Variants in MAF observed in about 807,000 individuals in gnomAD.
MAF encodes transcription factor Maf.
MAF carries 10 observed loss-of-function variants against 22.0 expected under a neutral mutation model. The ratio of observed to expected loss-of-function variants is 0.45; its 90% CI spans 0.28 to 0.77. The LOEUF (loss-of-function observed/expected upper bound fraction) is 0.77. MAF is among the 30% of genes least tolerant of loss of function. MAF has a pLI of 0.12. For missense variants in MAF, 544 were observed against 548.4 expected, an observed-to-expected ratio of 0.99 and a Z score of 0.08; for synonymous variants, 337 against 255.8, an observed-to-expected ratio of 1.32 and a Z score of -3.03.
the MAF span, among the ~76,000 whole-genome samples, chr16:79,443,305 C>T: frequency 6.6e-6 from 1 of 152,070 alleles, no homozygotes; most frequent in Non-Finnish European, 1.5e-5. Flanking sequence ...GTGTCAACCC[C>T]CATGGCACCC....
the MAF span, among the ~76,000 whole-genome samples, chr16:79,397,031 G>A: frequency 6.6e-6 from 1 of 152,194 alleles, no homozygotes; most frequent in East Asian, 1.9e-4. Context: ...TCTGAAGTCG[G>A]TTGACTCATC....
the MAF span, among the ~76,000 whole-genome samples, chr16:79,519,069 T>A: frequency 1.3e-5 from 2 of 152,248 alleles, no homozygotes; most frequent in Non-Finnish European, 2.9e-5. Context: ...ATATTACTAA[T>A]GCCTTGCAAT....
chr16:79,571,505 T>C, the MAF span, among the ~76,000 whole-genome samples: 1 of 145,736 alleles, frequency 6.9e-6, no homozygotes, highest in African/African-American at 2.5e-5. Context: ...ATTAGCATAC[T>C]ACAAGAAAAA....
the MAF span, among the ~76,000 whole-genome samples, chr16:79,300,300 T>C: frequency 6.6e-6 from 1 of 152,178 alleles, no homozygotes; most frequent in African/African-American, 2.4e-5. Context: ...CTCACACCTG[T>C]AATCCCAGCA....
the MAF span, among the ~76,000 whole-genome samples, chr16:79,324,625 G>A: frequency 6.6e-6 from 1 of 152,190 alleles, no homozygotes; most frequent in Non-Finnish European, 1.5e-5. Context: ...CACCTAGGTA[G>A]TAAGCAGCAG....
chr16:79,564,511 G>C, the MAF span, among the ~76,000 whole-genome samples: 1 of 152,178 alleles, frequency 6.6e-6, no homozygotes, highest in African/African-American at 2.4e-5. Flanking sequence ...CTTCCCTGAT[G>C]GAAGAAGACT....
the MAF span, among the ~76,000 whole-genome samples, chr16:79,246,825 T>TGTCC: frequency 6.8e-6 from 1 of 146,796 alleles, no homozygotes; most frequent in Non-Finnish European, 1.5e-5. Flanking sequence ...TGTGTCCATC[T>TGTCC]GTCCATCCAT....
chr16:79,251,687 T>C, the MAF span, among the ~76,000 whole-genome samples: 1 of 152,184 alleles, frequency 6.6e-6, no homozygotes, highest in African/African-American at 2.4e-5. Flanking sequence ...ATAAGTCATA[T>C]CAGGCTCAAA....
At chr16:79,479,765 T>G in the MAF span, among the ~76,000 whole-genome samples, 2 of 152,226 alleles carry the variant, frequency 1.3e-5, no homozygotes, top group East Asian at 3.9e-4. Context: ...GTGCTGGTAC[T>G]CTATATCCAT....
the MAF span, among the ~76,000 whole-genome samples, chr16:79,310,038 T>C: frequency 6.6e-6 from 1 of 152,108 alleles, no homozygotes; most frequent in South Asian, 2.1e-4. Flanking sequence ...TAGCAGAACA[T>C]ATGGAAAAAT....
the MAF span, among the ~76,000 whole-genome samples, chr16:79,252,132 C>T: frequency 6.6e-6 from 1 of 152,230 alleles, no homozygotes; most frequent in Non-Finnish European, 1.5e-5. Flanking sequence ...TCAGGCAGGA[C>T]TGGCAAACTT....
At chr16:79,251,083 C>CA in the MAF span, among the ~76,000 whole-genome samples, 2 of 152,096 alleles carry the variant, frequency 1.3e-5, no homozygotes, top group Non-Finnish European at 2.9e-5. Flanking sequence ...AGATTCCCCC[C>CA]GTTTCACAGG....
At chr16:79,314,995 G>A in the MAF span, among the ~76,000 whole-genome samples, 1 of 152,190 alleles carries the variant, frequency 6.6e-6, no homozygotes, top group African/African-American at 2.4e-5. Flanking sequence ...TGAGACACAG[G>A]GAATTAATGA....
At chr16:79,377,389 G>A in the MAF span, among the ~76,000 whole-genome samples, 5 of 152,048 alleles carry the variant, frequency 3.3e-5, no homozygotes, top group Admixed American at 6.6e-5. Flanking sequence ...TTTTTTCCTC[G>A]TAAATTTGTT....
intron 1 of MAF, among the ~76,000 whole-genome samples, chr16:79,587,418 G>T (rs550967240): frequency 6.8e-6 from 1 of 147,802 alleles, no homozygotes; most frequent in Non-Finnish European, 1.5e-5. Context: ...AAACTTCCCC[G>T]ATAGGATTAC....
the MAF span, among the ~76,000 whole-genome samples, chr16:79,220,587 A>C: frequency 6.6e-6 from 1 of 152,150 alleles, no homozygotes; most frequent in East Asian, 1.9e-4. Context: ...TGGAGAGTTA[A>C]AATTTCTACC....
chr16:79,516,483 G>A, the MAF span, among the ~76,000 whole-genome samples: 8 of 152,168 alleles, frequency 5.3e-5, no homozygotes, highest in African/African-American at 1.9e-4. Context: ...GAGGATGAAT[G>A]AGGCTCAGAG....
chr16:79,599,820 A>T lies in MAF; in HGVS notation c.83T>A (p.Met28Lys). ...AMEYVNDFDL[M>K]KFEVKKEPVE... ...CGGTTCCTTTTTCACTTCAAACTTC[A>T]TCAGATCGAAGTCATTAACATATTC... Residue 28 changes from methionine to lysine, a missense_variant, in exon 1 of 2, where the codon ATG becomes AAG. Transcript: ENST00000326043. 1 of 1,612,514 alleles carries T rather than the reference A, an allele frequency of 6.2e-7. No homozygotes were observed. Among genetic ancestry groups the T allele is most frequent in the Middle Eastern group, 1.7e-4 (1 of 6,008 alleles).
the MAF span, among the ~76,000 whole-genome samples, chr16:79,436,778 A>C: frequency 2.6e-5 from 4 of 152,120 alleles, no homozygotes; most frequent in African/African-American, 9.7e-5. Flanking sequence ...GCCCTCTTGG[A>C]AACATGAGCT....
Sources: allele counts gnomAD v4.1 joint callset (sites outside exome capture counted in the v4.1 genomes callset), GRCh38; gene constraint gnomAD v4.1.1; transcripts MANE v1.5; gene names NCBI Gene and HGNC (gene_info 2026-07-23, HGNC 2026-07-21).